Variants in SETBP1 observed in about 807,000 individuals in gnomAD.
SETBP1 encodes the protein SET-binding protein.
Under a neutral mutation model 101.0 loss-of-function variants are expected in SETBP1, and 9 were observed. That is an observed-to-expected ratio of 0.09 (90% CI 0.05 to 0.16). SETBP1 has a LOEUF of 0.16. Ranked by LOEUF, SETBP1 falls within the 10% of genes least tolerant of loss-of-function variation. The pLI, the probability that SETBP1 is intolerant of heterozygous loss-of-function variation, is 1.00. For synonymous variants in SETBP1, 818 were observed against 788.5 expected, an observed-to-expected ratio of 1.04 and a Z score of -0.63; for missense variants, 1,858 against 2,033.8, an observed-to-expected ratio of 0.91 and a Z score of 1.66.
At chr18:44,962,072 G>A (rs1003907617) in intron 4 of SETBP1, among the ~76,000 whole-genome samples, 1 of 152,194 alleles carries the variant, frequency 6.6e-6, no homozygotes, top group African/African-American at 2.4e-5. Flanking sequence ...AGGGAGACCA[G>A]AAGGAAAGAA....
At position 45,001,051 on chromosome 18, in the gene SETBP1, CTCAT is replaced by C. The variant is rs368947272; in HGVS notation, c.4001-37411_4001-37408del. On this transcript the variant is annotated intron_variant, in intron 4 of 5. Coordinates refer to ENST00000649279, the MANE Select transcript of SETBP1 (RefSeq NM_015559.3). ...GGTCATTCATTCATTCATCCATTTG[CTCAT>C]TCATTCATTCATTCATTCATTCTCC... Among the ~76,000 whole-genome samples, 1,364 of 152,182 alleles carry C rather than the reference CTCAT, an allele frequency of 9.0e-3. 10 individuals carry two copies. The highest frequency in any genetic ancestry group is 0.013 in the African/African-American group (521 of 41,518).
At chr18:44,923,319 A>G (rs2120315) in intron 3 of SETBP1, among the ~76,000 whole-genome samples, 37,551 of 152,108 alleles carry the variant, frequency 0.25, 4,670 homozygotes, top group East Asian at 0.27. Flanking sequence ...CCTGAGCAAC[A>G]TGACTGAGTA....
chr18:44,725,096 G>A (rs761335368), intron 2 of SETBP1, among the ~76,000 whole-genome samples: 14 of 152,104 alleles, frequency 9.2e-5, no homozygotes, highest in Non-Finnish European at 1.5e-4. Flanking sequence ...TTTAGTAGCT[G>A]CCCATAGAGT....
intron 2 of SETBP1, among the ~76,000 whole-genome samples, chr18:44,766,461 CA>C (rs1408559216): frequency 2.0e-5 from 3 of 152,170 alleles, no homozygotes; most frequent in African/African-American, 7.2e-5. Context: ...AAACACTGTA[CA>C]ATTCCATCTA....
At chr18:44,804,049 A>T (rs891699894) in intron 2 of SETBP1, among the ~76,000 whole-genome samples, 4 of 152,072 alleles carry the variant, frequency 2.6e-5, no homozygotes, top group Non-Finnish European at 5.9e-5. Context: ...GCAATAAGTA[A>T]ATTGTTTTTA....
intron 2 of SETBP1, among the ~76,000 whole-genome samples, chr18:44,768,031 G>T (rs573138580): frequency 6.6e-6 from 1 of 152,258 alleles, no homozygotes; most frequent in South Asian, 2.1e-4. Context: ...TTTCTTTCCC[G>T]TAATAGACTG....
intron 2 of SETBP1, among the ~76,000 whole-genome samples, chr18:44,836,323 G>C (rs2072494432): frequency 6.6e-6 from 1 of 151,984 alleles, no homozygotes; most frequent in Non-Finnish European, 1.5e-5. Flanking sequence ...CTTTTCCCTA[G>C]TTAGGTTCTG....
chr18:45,014,823 T>G (rs1341078104), intron 4 of SETBP1, among the ~76,000 whole-genome samples: 1 of 152,164 alleles, frequency 6.6e-6, no homozygotes, highest in Non-Finnish European at 1.5e-5. Flanking sequence ...ACTTGTTGTA[T>G]TAAATGATAT....
chr18:44,692,917 C>A (rs1223125475), intron 1 of SETBP1, among the ~76,000 whole-genome samples: 2 of 152,094 alleles, frequency 1.3e-5, no homozygotes, highest in African/African-American at 2.4e-5. Context: ...GTGAAGTAGT[C>A]TGGAAATGCT....
At chr18:44,985,355 A>G (rs1478286131) in intron 4 of SETBP1, among the ~76,000 whole-genome samples, 3 of 152,186 alleles carry the variant, frequency 2.0e-5, no homozygotes, top group African/African-American at 7.2e-5. Context: ...TAACTTGTTC[A>G]GAGTCTAGTT....
intron 4 of SETBP1, among the ~76,000 whole-genome samples, chr18:44,972,584 T>C (rs1402933859): frequency 6.6e-6 from 1 of 152,196 alleles, no homozygotes. Flanking sequence ...CCTGAAGAGA[T>C]CCTTCACATC....
intron 2 of SETBP1, among the ~76,000 whole-genome samples, chr18:44,729,624 T>C (rs1004561467): frequency 6.6e-5 from 10 of 152,236 alleles, no homozygotes; most frequent in Admixed American, 2.0e-4. Flanking sequence ...ACCCATGTGG[T>C]GATACTTGTT....
intron 2 of SETBP1, among the ~76,000 whole-genome samples, chr18:44,829,503 G>T (rs2072310924): frequency 6.6e-6 from 1 of 152,116 alleles, no homozygotes; most frequent in Admixed American, 6.5e-5. Context: ...GAAATCCTGA[G>T]TCTAGTTATA....
At chr18:44,965,614 T>A (rs1167362506) in intron 4 of SETBP1, among the ~76,000 whole-genome samples, 1 of 152,128 alleles carries the variant, frequency 6.6e-6, no homozygotes, top group Non-Finnish European at 1.5e-5. Flanking sequence ...GCACAAAGGA[T>A]CAGGCAAAGG....
rs113426920 is a variant in SETBP1 at position 44,752,023 on chromosome 18, C to T, written c.486+50191C>T. On this transcript the variant is annotated intron_variant, in intron 2 of 5. Transcript: ENST00000649279. ...TTATTAGCCATCTCACCTTGACTAC[C>T]TCTCAAAGGTACCATCTCCTTTCAA... is the stretch of plus-strand genomic sequence containing the variant. 3.9e-4 allele frequency among the ~76,000 whole-genome samples: 59 copies of T among 152,222 alleles called. 1 individual carries two copies. The highest frequency in any genetic ancestry group is 1.4e-3 in the African/African-American group (57 of 41,540).
Position 44,780,005 on chromosome 18 carries a change from T to C in SETBP1, c.486+78173T>C, listed in dbSNP as rs145983576. 8.7e-3 allele frequency among the ~76,000 whole-genome samples: 1,328 copies of C among 152,188 alleles called. 12 individuals are homozygous for C. Among genetic ancestry groups the C allele is most frequent in the Non-Finnish European group, 0.015 (1,012 of 68,000 alleles). ...GCACACTCACACACACTCTGCACTTTCCCGCCAACACTTTGGGACTACTTA... is the reference window on the plus strand; with the variant it reads ...GCACACTCACACACACTCTGCACTTCCCCGCCAACACTTTGGGACTACTTA... On this transcript the variant is annotated intron_variant, in intron 2 of 5. Coordinates refer to ENST00000649279, the MANE Select transcript of SETBP1 (RefSeq NM_015559.3).
At chr18:44,893,448 T>C (rs909259821) in intron 3 of SETBP1, among the ~76,000 whole-genome samples, 1 of 152,144 alleles carries the variant, frequency 6.6e-6, no homozygotes, top group African/African-American at 2.4e-5. Context: ...AGAGGTGAGA[T>C]GCAAACACAG....
chr18:44,800,091 A>G (rs549226260), intron 2 of SETBP1, among the ~76,000 whole-genome samples: 2 of 152,280 alleles, frequency 1.3e-5, no homozygotes, highest in Admixed American at 1.3e-4. Flanking sequence ...CTTAGGAACC[A>G]GGTGTGTGAT....
chr18:44,909,898 A>T (rs2144874587), intron 3 of SETBP1, among the ~76,000 whole-genome samples: 1 of 152,326 alleles, frequency 6.6e-6, no homozygotes, highest in East Asian at 1.9e-4. Context: ...TTGGAGAATC[A>T]CAGAATTAGC....
Sources: gnomAD v4.1 joint callset for allele counts (sites outside exome capture counted in the v4.1 genomes callset) on GRCh38, gnomAD v4.1.1 for gene constraint, MANE v1.5 for transcripts, NCBI Gene and HGNC (gene_info 2026-07-23, HGNC 2026-07-21) for gene names.